FGD3: variants seen among roughly 807,000 people sequenced by gnomAD.
The protein encoded by FGD3 is FYVE, RhoGEF and PH domain-containing protein 3.
A neutral mutation model predicts 71.8 loss-of-function variants in FGD3; 45 were observed. That is an observed-to-expected ratio of 0.63 (90% confidence interval 0.49 to 0.80). The LOEUF (loss-of-function observed/expected upper bound fraction) is 0.80. Among genes scored for constraint, FGD3 ranks in the 30% least tolerant of loss-of-function variants. The pLI, the probability that FGD3 is intolerant of heterozygous loss-of-function variation, is 0.00. For missense variants in FGD3, 844 were observed against 951.5 expected, an observed-to-expected ratio of 0.89 and a Z score of 1.49; for synonymous variants, 378 against 392.8, an observed-to-expected ratio of 0.96 and a Z score of 0.44.
chr9:92,951,549 G>A (rs1276145893), intron 1 of FGD3, among the ~76,000 whole-genome samples: 2 of 152,198 alleles, frequency 1.3e-5, no homozygotes, highest in Non-Finnish European at 2.9e-5. Context: ...GGTGGCATGC[G>A]CCTGTAGTCC....
chr9:93,020,774 C>T (rs1483197786), intron 13 of FGD3, among the ~76,000 whole-genome samples: 1 of 152,122 alleles, frequency 6.6e-6, no homozygotes, highest in Non-Finnish European at 1.5e-5. Flanking sequence ...GTTACAGTTC[C>T]GCGTTTGCCT....
In FGD3 at chr9:93,013,934, A is replaced by C. The variant is rs1189026143; in HGVS notation, c.1118A>C (p.Lys373Thr). 6.2e-7 allele frequency: 1 copy of C among 1,612,338 alleles called. No homozygotes were observed. Among genetic ancestry groups the C allele is most frequent in the Non-Finnish European group, 8.5e-7 (1 of 1,179,358 alleles). ...DIVNPANELI[K>T]EGQIQKLSAK... is the part of the protein sequence containing the mutation. ...GTCAACCCGGCCAATGAACTGATCA[A>C]GGAGGGCCAAATCCAGAAACTGTCA... The change falls in exon 9 of 18, where the codon AAG (lysine) becomes ACG (threonine). Residue 373 changes from lysine (K) to threonine (T), a missense_variant. Lys to Thr is a moderately conservative substitution (Grantham distance 78). Transcript: ENST00000375482.
At chr9:93,015,212 T>C (rs1278856467) in intron 9 of FGD3, among the ~76,000 whole-genome samples, 1 of 152,098 alleles carries the variant, frequency 6.6e-6, no homozygotes, top group South Asian at 2.1e-4. Flanking sequence ...TCCCAGCACT[T>C]TGGGAGGCTG....
intron 3 of FGD3, among the ~76,000 whole-genome samples, chr9:92,999,077 T>C (rs1339132002): frequency 6.6e-6 from 1 of 151,994 alleles, no homozygotes; most frequent in Non-Finnish European, 1.5e-5. Flanking sequence ...AGAGGTGGAG[T>C]CTACAGAGGC....
At chr9:93,009,648 A>C (rs1021972807) in intron 6 of FGD3, among the ~76,000 whole-genome samples, 1 of 152,144 alleles carries the variant, frequency 6.6e-6, no homozygotes, top group Non-Finnish European at 1.5e-5. Flanking sequence ...TGCCAGATGG[A>C]GACATGGCAG....
chr9:92,968,689 C>T (rs1859428214), intron 1 of FGD3, among the ~76,000 whole-genome samples: 1 of 151,532 alleles, frequency 6.6e-6, no homozygotes, highest in African/African-American at 2.4e-5. Flanking sequence ...GCAACCTCCG[C>T]CTCATGGGTA....
At chr9:93,002,465 G>A (rs1860891418) in intron 3 of FGD3, among the ~76,000 whole-genome samples, 1 of 152,006 alleles carries the variant, frequency 6.6e-6, no homozygotes, top group Non-Finnish European at 1.5e-5. Flanking sequence ...TGGTACGCAT[G>A]TAGAGCAGGT....
chr9:93,006,846 C>A (rs1338034125), intron 6 of FGD3, among the ~76,000 whole-genome samples: 1 of 151,660 alleles, frequency 6.6e-6, no homozygotes, highest in Non-Finnish European at 1.5e-5. Flanking sequence ...CCTGCCTCAG[C>A]CTCCCGAGTA....
chr9:92,982,663 A>T (rs1399540211), intron 3 of FGD3, among the ~76,000 whole-genome samples: 2 of 151,130 alleles, frequency 1.3e-5, no homozygotes, highest in Non-Finnish European at 2.9e-5. Context: ...GTTCTGCTTG[A>T]TATTCATGAA....
At chr9:93,025,702 C>T (rs574210953) in intron 14 of FGD3, among the ~76,000 whole-genome samples, 3 of 152,354 alleles carry the variant, frequency 2.0e-5, no homozygotes, top group South Asian at 2.1e-4. Context: ...TCAAAGCCTT[C>T]CCTGATGGGC....
chr9:92,963,395 G>T (rs1587813073), intron 1 of FGD3, among the ~76,000 whole-genome samples: 1 of 152,164 alleles, frequency 6.6e-6, no homozygotes, highest in East Asian at 1.9e-4. Context: ...CACCTCTGGG[G>T]TTCGAGCGGT....
chr9:93,035,631 G>A lies in FGD3; in HGVS notation c.*42G>A, dbSNP rs777393826. On this transcript the variant is annotated 3_prime_UTR_variant, in exon 18 of 18. Transcript: ENST00000375482. ...CCCTGCACACCACCACATTGGACCT[G>A]TGCTGTCCTGGGAGGTGGTGTTGGA... The A allele has an allele frequency of 6.5e-7, 1 of 1,545,726 alleles. No individual in the cohort carries two copies. The highest frequency in any genetic ancestry group is 8.7e-7 in the Non-Finnish European group (1 of 1,148,438).
chr9:93,022,585 G>T (rs1268492711), intron 14 of FGD3, among the ~76,000 whole-genome samples, 196 bp downstream of exon 14: 4 of 152,144 alleles, frequency 2.6e-5, no homozygotes, highest in Admixed American at 2.0e-4. Context: ...CTGAGTCCAG[G>T]CACTGATGAA....
chr9:93,025,616 G>A (rs750712390), intron 14 of FGD3, among the ~76,000 whole-genome samples: 2 of 152,218 alleles, frequency 1.3e-5, no homozygotes, highest in Non-Finnish European at 2.9e-5. Flanking sequence ...TTCTTCAGTG[G>A]TATAGTCCCT....
intron 14 of FGD3, among the ~76,000 whole-genome samples, chr9:93,027,926 C>T (rs1862182797): frequency 6.6e-6 from 1 of 151,820 alleles, no homozygotes; most frequent in Non-Finnish European, 1.5e-5. Flanking sequence ...ACTATGTCGC[C>T]CAGATTGGTC....
chr9:92,957,544 A>G (rs1451165453), intron 1 of FGD3, among the ~76,000 whole-genome samples: 1 of 152,084 alleles, frequency 6.6e-6, no homozygotes, highest in Non-Finnish European at 1.5e-5. Context: ...TCATTTTAAA[A>G]ATGGAATCGT....
At chr9:93,022,440 G>A (rs772034822) in intron 14 of FGD3, 51 bp downstream of exon 14, 2 of 1,588,932 alleles carry the variant, frequency 1.3e-6, no homozygotes, top group South Asian at 1.1e-5. Context: ...AGAGCAGGGG[G>A]TCAGACCAGG....
At chr9:92,966,408 C>T (rs892908223) in intron 1 of FGD3, among the ~76,000 whole-genome samples, 1 of 152,228 alleles carries the variant, frequency 6.6e-6, no homozygotes, top group Admixed American at 6.5e-5. Flanking sequence ...TGTCCCTGGT[C>T]TCAGGAAAGT....
intron 1 of FGD3, among the ~76,000 whole-genome samples, chr9:92,957,178 G>A (rs747419338): frequency 4.6e-5 from 7 of 152,204 alleles, no homozygotes; most frequent in Non-Finnish European, 1.0e-4. Context: ...ACAGGTCTTT[G>A]TGTGGACAGA....
Sources: gnomAD v4.1 joint callset for allele counts (sites outside exome capture counted in the v4.1 genomes callset) on GRCh38, gnomAD v4.1.1 for gene constraint, MANE v1.5 for transcripts, NCBI Gene and HGNC (gene_info 2026-07-23, HGNC 2026-07-21) for gene names.